NAV2: variants seen among roughly 807,000 people sequenced by gnomAD.
NAV2 encodes helicase, APC down-regulated 1.
NAV2 carries 54 observed loss-of-function variants against 223.2 expected under a neutral mutation model. That is an observed-to-expected ratio of 0.24 (90% CI 0.19 to 0.30). The LOEUF is 0.30. Among genes scored for constraint, NAV2 ranks in the 10% least tolerant of loss-of-function variants. The pLI is 1.00. For missense variants in NAV2, 2,806 were observed against 3,147.5 expected (o/e 0.89, Z 2.60); for synonymous variants, 1,279 against 1,239.3 (o/e 1.03, Z -0.67).
chr11:19,729,848 A>G (rs1007679080), intron 1 of NAV2, among the ~76,000 whole-genome samples: 1 of 152,120 alleles, frequency 6.6e-6, no homozygotes, highest in Non-Finnish European at 1.5e-5. Flanking sequence ...AGGAGAGCAA[A>G]TTTTGGGGGG....
At chr11:19,504,873 C>T (rs977558882) in intron 1 of NAV2, 11 of 152,190 alleles carry the variant, frequency 7.2e-5, no homozygotes, top group African/African-American at 2.7e-4. Context: ...GGTCCCAATT[C>T]GATCCTCACA....
chr11:19,946,336 T>C (rs2046937125), intron 8 of NAV2, 65 bp from the exon 9 acceptor site: 1 of 1,423,902 alleles, frequency 7.0e-7, no homozygotes. Context: ...TAGACATGGA[T>C]GCTGCCCTTA....
chr11:19,489,132 C>A (rs1217079254), intron 1 of NAV2, among the ~76,000 whole-genome samples: 1 of 152,204 alleles, frequency 6.6e-6, no homozygotes, highest in Non-Finnish European at 1.5e-5. Context: ...TTCCCTTTAC[C>A]CCACAGAAGA....
chr11:20,075,222 G>GTT (rs759061256), intron 22 of NAV2, among the ~76,000 whole-genome samples: 22 of 111,020 alleles, frequency 2.0e-4, no homozygotes, highest in African/African-American at 7.4e-4. Context: ...TTTTTGTTTT[G>GTT]TTTTTTTTTT....
chr11:20,000,920 C>T (rs141566232), intron 11 of NAV2, among the ~76,000 whole-genome samples: 8 of 152,250 alleles, frequency 5.3e-5, no homozygotes, highest in Non-Finnish European at 8.8e-5. Flanking sequence ...TGTTACCCAG[C>T]GCATCATCCC....
At chr11:19,444,991 A>G (rs1312277399) in intron 1 of NAV2, among the ~76,000 whole-genome samples, 2 of 152,230 alleles carry the variant, frequency 1.3e-5, no homozygotes, top group Non-Finnish European at 2.9e-5. Flanking sequence ...ATAAAAGTTA[A>G]CTACCACAAC....
intron 1 of NAV2, among the ~76,000 whole-genome samples, chr11:19,477,131 A>G (rs2133972903): frequency 6.6e-6 from 1 of 152,220 alleles, no homozygotes; most frequent in East Asian, 1.9e-4. Context: ...AGACTATCCA[A>G]ACCCTTCCCA....
At chr11:19,464,287 G>A (rs560823900) in intron 1 of NAV2, among the ~76,000 whole-genome samples, 5 of 152,260 alleles carry the variant, frequency 3.3e-5, no homozygotes, top group African/African-American at 1.2e-4. Flanking sequence ...ATTGTGAGGG[G>A]CTGGGGCCCG....
chr11:19,914,724 T>G (rs1290955137), intron 6 of NAV2, among the ~76,000 whole-genome samples: 1 of 151,840 alleles, frequency 6.6e-6, no homozygotes, highest in Non-Finnish European at 1.5e-5. Flanking sequence ...TTTTGTATTT[T>G]TAGTAGAGAC....
chr11:19,407,066 G>T (rs1292390585), intron 1 of NAV2, among the ~76,000 whole-genome samples: 1 of 152,210 alleles, frequency 6.6e-6, no homozygotes, highest in African/African-American at 2.4e-5. Context: ...GGGAGGAGAT[G>T]GAGGTCCTGA....
chr11:19,781,180 A>T (rs2056710090), intron 1 of NAV2, among the ~76,000 whole-genome samples: 1 of 152,242 alleles, frequency 6.6e-6, no homozygotes, highest in African/African-American at 2.4e-5. Context: ...TAACTTTAGA[A>T]GTGCTGCTTT....
In NAV2 at chr11:19,948,946, T is replaced by G. The variant is rs749607269; in HGVS notation, c.2511T>G (p.Ser837Arg). Residue 837 changes from serine (S) to arginine (R), a missense_variant, in exon 10 of 38, where the codon AGT (serine) becomes AGG (arginine). Transcript: ENST00000349880. ...LRRQLASRGS[S>R]VCHVDVSDKA... ...GGCAGCTGGCCTCCCGGGGCAGTAG[T>G]GTCTGCCATGTGGACGTCTCAGACA... is the stretch of plus-strand genomic sequence containing the variant. 6 of 1,613,774 alleles carry G rather than the reference T, an allele frequency of 3.7e-6. No individual in the cohort carries two copies. In the East Asian group the frequency reaches 1.1e-4, roughly 30 times the overall value.
chr11:19,523,613 G>C (rs753025550), intron 1 of NAV2, among the ~76,000 whole-genome samples: 4 of 152,272 alleles, frequency 2.6e-5, no homozygotes, highest in African/African-American at 4.8e-5. Context: ...CTTCTTCCGA[G>C]CCACTCTTCT....
At chr11:19,634,516 A>C (rs2047435934) in intron 1 of NAV2, among the ~76,000 whole-genome samples, 1 of 152,236 alleles carries the variant, frequency 6.6e-6, no homozygotes, top group African/African-American at 2.4e-5. Flanking sequence ...TAAAAAGAAA[A>C]GGAACAACCC....
intron 2 of NAV2, among the ~76,000 whole-genome samples, chr11:19,836,563 CAAAAA>C (rs34706618): frequency 4.8e-5 from 4 of 82,586 alleles, no homozygotes; most frequent in African/African-American, 1.4e-4. Context: ...GACTCTGTCT[CAAAAA>C]AAAAAAAAAA....
At chr11:19,461,215 G>A (rs1242404026) in intron 1 of NAV2, among the ~76,000 whole-genome samples, 2 of 152,140 alleles carry the variant, frequency 1.3e-5, no homozygotes, top group Non-Finnish European at 2.9e-5. Context: ...GCACCATGGA[G>A]ATTCCCTTCT....
intron 1 of NAV2, among the ~76,000 whole-genome samples, chr11:19,528,559 C>T (rs988143937): frequency 1.3e-5 from 2 of 152,148 alleles, no homozygotes; most frequent in Non-Finnish European, 2.9e-5. Context: ...TTGCCAGCTC[C>T]CTTCCAAAAT....
intron 6 of NAV2, among the ~76,000 whole-genome samples, chr11:19,926,339 T>C (rs1483988643): frequency 6.6e-6 from 1 of 152,186 alleles, no homozygotes; most frequent in Non-Finnish European, 1.5e-5. Flanking sequence ...CTCCATTCTT[T>C]GTTTGTCCTC....
At chr11:19,909,694 G>A (rs988503560) in intron 6 of NAV2, among the ~76,000 whole-genome samples, 2 of 152,078 alleles carry the variant, frequency 1.3e-5, no homozygotes, top group African/African-American at 4.8e-5. Flanking sequence ...AGCAAGCTTG[G>A]TCTTTTTCTT....
Sources: allele counts gnomAD v4.1 joint callset (sites outside exome capture counted in the v4.1 genomes callset), GRCh38; gene constraint gnomAD v4.1.1; transcripts MANE v1.5; gene names NCBI Gene and HGNC (gene_info 2026-07-23, HGNC 2026-07-21).